The following RAD51B variants were observed in gnomAD, a reference collection of about 807,000 sequenced individuals.
RAD51B encodes DNA repair protein RAD51 homolog 2.
Under a neutral mutation model 42.2 loss-of-function variants are expected in RAD51B, and 38 were observed. That is an observed-to-expected ratio of 0.90 (90% CI 0.70 to 1.18). The LOEUF (loss-of-function observed/expected upper bound fraction) is 1.18. Ranked by LOEUF, RAD51B falls within the 50% of genes most tolerant of loss-of-function variation. The probability of loss-of-function intolerance (pLI) is 0.00; values close to 1 mark genes in which losing one functional copy is unlikely to be tolerated. For missense variants in RAD51B, 373 were observed against 400.7 expected (o/e 0.93, Z 0.59); for synonymous variants, 154 against 145.2 (o/e 1.06, Z -0.43).
intron 8 of RAD51B, among the ~76,000 whole-genome samples, chr14:68,293,392 C>T (rs1173795992): frequency 6.6e-6 from 1 of 152,168 alleles, no homozygotes; most frequent in Non-Finnish European, 1.5e-5. Flanking sequence ...TGCTGAAAAT[C>T]AGGTGGCTTG....
At chr14:68,191,935 G>C (rs575361215) in intron 7 of RAD51B, among the ~76,000 whole-genome samples, 14 of 152,302 alleles carry the variant, frequency 9.2e-5, no homozygotes, top group African/African-American at 3.4e-4. Flanking sequence ...GGCTGTCCAA[G>C]TCTGACTAGT....
intron 8 of RAD51B, among the ~76,000 whole-genome samples, chr14:68,311,626 A>G (rs539178161): frequency 6.6e-6 from 1 of 152,290 alleles, no homozygotes; most frequent in African/African-American, 2.4e-5. Flanking sequence ...TGGTGGCTTA[A>G]GCCTGTAATC....
intron 11 of RAD51B, among the ~76,000 whole-genome samples, chr14:68,663,908 A>G (rs1892984517): frequency 6.6e-6 from 1 of 152,188 alleles, no homozygotes; most frequent in Non-Finnish European, 1.5e-5. Context: ...ATGTGATTAT[A>G]TTTGTGAAAC....
intron 10 of RAD51B, among the ~76,000 whole-genome samples, chr14:68,564,560 T>C (rs1010527275): frequency 6.6e-6 from 1 of 152,150 alleles, no homozygotes; most frequent in Non-Finnish European, 1.5e-5. Flanking sequence ...TCACGATCCC[T>C]TACTTATGGC....
intron 9 of RAD51B, chr14:68,422,007 C>T (rs1042808726): frequency 5.9e-6 from 9 of 1,524,926 alleles, no homozygotes; most frequent in Non-Finnish European, 8.2e-6. Context: ...CAGTCACCAC[C>T]CTGACACATA....
chr14:68,059,493 A>G (rs1372684489), intron 7 of RAD51B, among the ~76,000 whole-genome samples: 3 of 152,006 alleles, frequency 2.0e-5, no homozygotes, highest in Admixed American at 1.3e-4. Context: ...ATTTTTCATC[A>G]TTTCCTGGAT....
chr14:68,124,639 A>T (rs2077717535), intron 7 of RAD51B, among the ~76,000 whole-genome samples: 1 of 152,172 alleles, frequency 6.6e-6, no homozygotes, highest in Non-Finnish European at 1.5e-5. Flanking sequence ...TATTTTAATG[A>T]TGAGATATAT....
rs113560200 is a variant in RAD51B, at chr14:68,112,946, A to G, written c.757-178938A>G. ...TAGACAGTGTTTTCCCTAAATTACAAAAACATGCTCTTAAATTTGGCTGTC... is the reference window on the plus strand; with the variant it reads ...TAGACAGTGTTTTCCCTAAATTACAGAAACATGCTCTTAAATTTGGCTGTC... On this transcript the variant is annotated intron_variant, in intron 7 of 10. Coordinates refer to ENST00000471583, the MANE Select transcript of RAD51B (RefSeq NM_133510.4). Among the ~76,000 whole-genome samples, 585 of 152,268 alleles carry G rather than the reference A, an allele frequency of 3.8e-3. 6 individuals carry two copies. The highest frequency in any genetic ancestry group is 0.013 in the African/African-American group (554 of 41,564).
At chr14:68,277,874 C>T (rs923529708) in intron 7 of RAD51B, among the ~76,000 whole-genome samples, 2 of 152,166 alleles carry the variant, frequency 1.3e-5, no homozygotes, top group African/African-American at 4.8e-5. Context: ...TACCAAATAG[C>T]TGGGACTATA....
chr14:68,105,196 CA>C (rs2077357041), intron 7 of RAD51B, among the ~76,000 whole-genome samples: 2 of 148,938 alleles, frequency 1.3e-5, no homozygotes, highest in Admixed American at 1.3e-4. Flanking sequence ...ATGCAAGAAA[CA>C]AAATTTCGGA....
intron 10 of RAD51B, among the ~76,000 whole-genome samples, chr14:68,550,814 A>G: frequency 6.6e-6 from 1 of 152,228 alleles, no homozygotes; most frequent in East Asian, 1.9e-4. Flanking sequence ...GGATGAGTCC[A>G]GGTTTTCTAA....
At chr14:68,360,199 C>T (rs2082994967) in intron 8 of RAD51B, among the ~76,000 whole-genome samples, 1 of 152,304 alleles carries the variant, frequency 6.6e-6, no homozygotes, top group South Asian at 2.1e-4. Flanking sequence ...CCCAGATGTA[C>T]TCCTAGACTG....
At chr14:68,576,812 G>A (rs1296432490) in intron 10 of RAD51B, among the ~76,000 whole-genome samples, 1 of 152,178 alleles carries the variant, frequency 6.6e-6, no homozygotes, top group African/African-American at 2.4e-5. Flanking sequence ...TCCACCTCTT[G>A]ACTCAGAGTC....
At chr14:68,031,821 C>G (rs1050246622) in intron 7 of RAD51B, among the ~76,000 whole-genome samples, 1 of 152,162 alleles carries the variant, frequency 6.6e-6, no homozygotes, top group Admixed American at 6.5e-5. Context: ...TGGAAAATTT[C>G]TTCCTCATTT....
At chr14:68,484,448 T>C (rs991553797) in intron 10 of RAD51B, among the ~76,000 whole-genome samples, 9 of 149,366 alleles carry the variant, frequency 6.0e-5, no homozygotes, top group Non-Finnish European at 1.3e-4. Context: ...ACCTCCGCCT[T>C]CCGGGTTCAC....
intron 5 of RAD51B, among the ~76,000 whole-genome samples, chr14:67,870,925 G>A (rs1325512999): frequency 1.5e-4 from 20 of 134,826 alleles, no homozygotes; most frequent in South Asian, 1.2e-3. Context: ...TCTCTGGGAC[G>A]CATTTAAAGC....
intron 10 of RAD51B, among the ~76,000 whole-genome samples, chr14:68,551,228 C>T (rs915432601): frequency 3.9e-5 from 6 of 152,164 alleles, no homozygotes; most frequent in Non-Finnish European, 8.8e-5. Flanking sequence ...ATCACTGTCC[C>T]TACAGCTCAC....
At chr14:68,650,114 A>G (rs528298405) in intron 10 of RAD51B, among the ~76,000 whole-genome samples, 1 of 152,286 alleles carries the variant, frequency 6.6e-6, no homozygotes, top group African/African-American at 2.4e-5. Context: ...AGGGATTTAC[A>G]AAGCACTAAT....
intron 7 of RAD51B, among the ~76,000 whole-genome samples, chr14:68,035,394 A>T (rs1223998575): frequency 6.6e-6 from 1 of 152,134 alleles, no homozygotes; most frequent in African/African-American, 2.4e-5. Context: ...TAACAAATTA[A>T]CATATCCTGA....
Sources: allele counts gnomAD v4.1 joint callset (sites outside exome capture counted in the v4.1 genomes callset), GRCh38; gene constraint gnomAD v4.1.1; transcripts MANE v1.5; gene names NCBI Gene and HGNC (gene_info 2026-07-23, HGNC 2026-07-21).